Variants in TANK observed in about 807,000 individuals in gnomAD.
TANK encodes TRAF family member-associated NF-kappa-B activator.
A neutral mutation model predicts 43.6 loss-of-function variants in TANK; 15 were observed. That is an observed-to-expected ratio of 0.34 (90% CI 0.23 to 0.53). The LOEUF is 0.53. Ranked by LOEUF, TANK falls within the 20% of genes least tolerant of loss-of-function variation. The pLI is 0.94. For synonymous variants in TANK, 162 were observed against 178.2 expected (o/e 0.91, Z 0.73); for missense variants, 417 against 498.6 (o/e 0.84, Z 1.56).
chr2:161,234,915 C>T (rs1436328512), intron 7 of TANK, among the ~76,000 whole-genome samples: 1 of 152,162 alleles, frequency 6.6e-6, no homozygotes. Context: ...AGACGCAATG[C>T]ACACACACAT....
In TANK at chr2:161,230,796, G is replaced by A. The variant is rs554510380; in HGVS notation, c.521-175G>A. Among the ~76,000 whole-genome samples, 18 of 152,318 alleles carry A rather than the reference G, an allele frequency of 1.2e-4. No homozygotes were observed. In the South Asian group the frequency reaches 1.4e-3, roughly 12 times the overall value. On this transcript the variant is annotated intron_variant, in intron 6 of 7. Coordinates refer to ENST00000392749, the MANE Select transcript of TANK (RefSeq NM_001199135.3). ...TAATAAGCTATGTTTCAGTTCACCCGCTGGAGACTGCTAATATTCTGTGTA... is the reference window on the plus strand; with the variant it reads ...TAATAAGCTATGTTTCAGTTCACCCACTGGAGACTGCTAATATTCTGTGTA...
chr2:161,212,864 G>T, intron 4 of TANK: 9 of 759,034 alleles, frequency 1.2e-5, no homozygotes, highest in Non-Finnish European at 1.4e-5. Context: ...AATACCTGAG[G>T]CTGGGGATTT....
chr2:161,143,187 T>C (rs1184876722), intron 1 of TANK, among the ~76,000 whole-genome samples: 1 of 152,194 alleles, frequency 6.6e-6, no homozygotes, highest in East Asian at 1.9e-4. Context: ...CCTGAGACTT[T>C]GCTGAAGTTG....
chr2:161,226,278 C>T (rs1033357701), intron 6 of TANK, among the ~76,000 whole-genome samples: 7 of 152,084 alleles, frequency 4.6e-5, no homozygotes, highest in African/African-American at 1.7e-4. Context: ...AATTTCTTCT[C>T]CACTAAAACT....
intron 1 of TANK, 170 bp downstream of exon 1, chr2:161,160,656 G>C (rs985187765): frequency 3.9e-6 from 2 of 514,684 alleles, no homozygotes; most frequent in African/African-American, 1.9e-5. Context: ...TTTTGTGCGG[G>C]AGAAACCACG....
At chr2:161,234,386 G>A (rs1688071293) in intron 7 of TANK, among the ~76,000 whole-genome samples, 1 of 152,162 alleles carries the variant, frequency 6.6e-6, no homozygotes, top group Admixed American at 6.5e-5. Flanking sequence ...AGCTGTGTCA[G>A]AGGAATTTAC....
intron 1 of TANK, among the ~76,000 whole-genome samples, chr2:161,175,149 G>C (rs1241464584): frequency 1.3e-5 from 2 of 152,090 alleles, no homozygotes; most frequent in Non-Finnish European, 2.9e-5. Context: ...GTACCTTCAT[G>C]GGAGGAGATG....
chr2:161,217,155 T>C lies in TANK; in HGVS notation c.328-6760T>C, dbSNP rs183973314. On this transcript the variant is annotated intron_variant, in intron 4 of 7. Transcript: ENST00000392749. The stretch of plus-strand genomic sequence containing the variant: ...TGAAGGGTATTGGTAGTTTTGTTTT[T>C]ACAGGCAGTGAACTTGATTAGCTCA... Among the ~76,000 whole-genome samples the C allele has an allele frequency of 2.1e-3, 322 of 152,294 alleles. 3 individuals are homozygous for C. Among genetic ancestry groups the C allele is most frequent in the Non-Finnish European group, 1.6e-3 (107 of 68,024 alleles).
At chr2:161,204,167 T>G (rs1686544299) in intron 3 of TANK, among the ~76,000 whole-genome samples, 1 of 152,120 alleles carries the variant, frequency 6.6e-6, no homozygotes, top group South Asian at 2.1e-4. Flanking sequence ...GTGATTCTTG[T>G]GTGAAGTTAT....
At chr2:161,198,856 C>CT (rs1686276896) in intron 2 of TANK, among the ~76,000 whole-genome samples, 1 of 152,178 alleles carries the variant, frequency 6.6e-6, no homozygotes, top group East Asian at 1.9e-4. Context: ...TGTCAAATTG[C>CT]AGATCTTCTA....
intron 6 of TANK, among the ~76,000 whole-genome samples, chr2:161,229,759 C>G (rs1687815653): frequency 6.6e-6 from 1 of 152,166 alleles, no homozygotes; most frequent in Non-Finnish European, 1.5e-5. Context: ...GTTCTGTATA[C>G]CCTGTCTACC....
intron 1 of TANK, among the ~76,000 whole-genome samples, chr2:161,145,840 C>T (rs1014100917): frequency 6.6e-6 from 1 of 151,848 alleles, no homozygotes; most frequent in South Asian, 2.1e-4. Flanking sequence ...GTGGTGTTCT[C>T]TGTATTTCCT....
At chr2:161,182,679 C>A (rs1336671206) in intron 2 of TANK, among the ~76,000 whole-genome samples, 1 of 152,014 alleles carries the variant, frequency 6.6e-6, no homozygotes, top group Non-Finnish European at 1.5e-5. Flanking sequence ...TGAACCCTGT[C>A]CTTTGGGGCT....
chr2:161,232,283 A>G (rs1687948831), intron 7 of TANK, among the ~76,000 whole-genome samples: 1 of 152,228 alleles, frequency 6.6e-6, no homozygotes, highest in Non-Finnish European at 1.5e-5. Context: ...AAGCAAATGA[A>G]AACTATATAA....
intron 2 of TANK, among the ~76,000 whole-genome samples, chr2:161,188,044 G>A (rs78815525): frequency 0.015 from 2,293 of 152,158 alleles, 26 homozygotes; most frequent in Non-Finnish European, 0.022. Context: ...AAAACTTCTA[G>A]GATGCAGTAA....
At chr2:161,147,355 C>T (rs752950683) in intron 1 of TANK, among the ~76,000 whole-genome samples, 1 of 152,182 alleles carries the variant, frequency 6.6e-6, no homozygotes, top group African/African-American at 2.4e-5. Flanking sequence ...ACTGCCCCTG[C>T]CCCTGGGAAC....
At chr2:161,232,112 T>C (rs1205018424) in intron 7 of TANK, among the ~76,000 whole-genome samples, 1 of 152,224 alleles carries the variant, frequency 6.6e-6, no homozygotes. Context: ...TAGCCTAGTA[T>C]ATTTTTTAAA....
At chr2:161,179,287 A>G (rs1361968634) in intron 1 of TANK, among the ~76,000 whole-genome samples, 2 of 152,128 alleles carry the variant, frequency 1.3e-5, no homozygotes, top group Non-Finnish European at 2.9e-5. Context: ...TGCTGATCCT[A>G]TTGTACATTT....
At chr2:161,213,720 A>G (rs1392450581) in intron 4 of TANK, among the ~76,000 whole-genome samples, 3 of 121,152 alleles carry the variant, frequency 2.5e-5, no homozygotes, top group South Asian at 2.6e-4. Flanking sequence ...GTTGAATTGT[A>G]TGATGAAAAT....
Sources: gnomAD v4.1 joint callset for allele counts (sites outside exome capture counted in the v4.1 genomes callset) on GRCh38, gnomAD v4.1.1 for gene constraint, MANE v1.5 for transcripts, NCBI Gene and HGNC (gene_info 2026-07-23, HGNC 2026-07-21) for gene names.